Variants in RGS6 observed in about 807,000 individuals in gnomAD.
The protein encoded by RGS6 is regulator of G-protein signaling 6.
RGS6 carries 30 observed loss-of-function variants against 78.5 expected under a neutral mutation model. That is an observed-to-expected ratio of 0.38 (90% CI 0.29 to 0.52). RGS6 has a LOEUF of 0.52. RGS6 is among the 20% of genes least tolerant of loss of function. The pLI, the probability that RGS6 is intolerant of heterozygous loss-of-function variation, is 0.85. For synonymous variants in RGS6, 206 were observed against 206.0 expected, an observed-to-expected ratio of 1.00 and a Z score of 0.00; for missense variants, 495 against 609.7, an observed-to-expected ratio of 0.81 and a Z score of 1.98.
intron 2 of RGS6, among the ~76,000 whole-genome samples, chr14:72,213,122 G>A (rs561851261): frequency 1.7e-4 from 26 of 152,254 alleles, no homozygotes; most frequent in Non-Finnish European, 3.2e-4. Flanking sequence ...TTGACTATGA[G>A]GCCTGTGTTA....
At chr14:72,537,312 T>A (rs1567078440) in intron 16 of RGS6, among the ~76,000 whole-genome samples, 1 of 152,196 alleles carries the variant, frequency 6.6e-6, no homozygotes, top group Non-Finnish European at 1.5e-5. Context: ...CTTCTCTCTG[T>A]GTGCTGTCAC....
intron 3 of RGS6, among the ~76,000 whole-genome samples, chr14:72,376,550 A>G (rs1022294780): frequency 6.6e-6 from 1 of 152,192 alleles, no homozygotes; most frequent in African/African-American, 2.4e-5. Flanking sequence ...TTTTAGTCAA[A>G]TTGTCAAAAG....
At chr14:71,882,315 T>C in the RGS6 span, among the ~76,000 whole-genome samples, 46,486 of 152,100 alleles carry the variant, frequency 0.31, 7,453 homozygotes, top group South Asian at 0.43. Flanking sequence ...CCATTGTATG[T>C]GTATATGTGT....
chr14:72,306,065 T>C (rs997791308), intron 2 of RGS6, among the ~76,000 whole-genome samples: 1 of 152,210 alleles, frequency 6.6e-6, no homozygotes. Context: ...TGTTAGGGGA[T>C]AGTGCAGCTG....
intron 2 of RGS6, among the ~76,000 whole-genome samples, chr14:72,261,839 G>T (rs1456767279): frequency 1.3e-5 from 2 of 152,048 alleles, no homozygotes; most frequent in African/African-American, 4.8e-5. Flanking sequence ...TTTTACAGTT[G>T]AATTAAAGCA....
intron 2 of RGS6, among the ~76,000 whole-genome samples, chr14:72,041,562 C>G (rs1470655643): frequency 6.6e-6 from 1 of 152,226 alleles, no homozygotes; most frequent in Non-Finnish European, 1.5e-5. Flanking sequence ...TGTGCATTCA[C>G]TCCTCTTTTC....
At chr14:72,314,255 C>A (rs915082165) in intron 2 of RGS6, among the ~76,000 whole-genome samples, 2 of 152,218 alleles carry the variant, frequency 1.3e-5, no homozygotes, top group Non-Finnish European at 2.9e-5. Flanking sequence ...AGGGGTTAGA[C>A]AGCTCACTGA....
Position 72,226,919 on chromosome 14 carries a change from T to G in RGS6, c.85-125176T>G, listed in dbSNP as rs1471379086. On this transcript the variant is annotated intron_variant, in intron 2 of 17. Transcript: ENST00000553525. ...CCAGGCTGGTCTTGAACTCCTGGTGTCAAGTAATCCGCCCACCTTGACCTC... is the reference window on the plus strand; with the variant it reads ...CCAGGCTGGTCTTGAACTCCTGGTGGCAAGTAATCCGCCCACCTTGACCTC... Among the ~76,000 whole-genome samples, 3 of 152,200 alleles carry G rather than the reference T, an allele frequency of 2.0e-5. No individual in the cohort carries two copies. The East Asian group carries it at 5.8e-4, about 29-fold the overall frequency.
At chr14:71,888,514 AG>A in the RGS6 span, among the ~76,000 whole-genome samples, 1 of 152,132 alleles carries the variant, frequency 6.6e-6, no homozygotes, top group African/African-American at 2.4e-5. Context: ...CTCATCCCAC[AG>A]GAAACAAACC....
chr14:72,152,221 T>TGAGAGAGA (rs1200791259), intron 2 of RGS6, among the ~76,000 whole-genome samples: 17 of 146,654 alleles, frequency 1.2e-4, no homozygotes, highest in African/African-American at 4.3e-4. Context: ...GGCAGCTGCA[T>TGAGAGAGA]GAGAGAGAGA....
the RGS6 span, among the ~76,000 whole-genome samples, chr14:72,614,460 C>T: frequency 1.3e-5 from 2 of 152,140 alleles, no homozygotes; most frequent in East Asian, 1.9e-4. Context: ...GATGGCCAGT[C>T]CCCCTCTTCC....
At chr14:72,560,583 C>T (rs561760485) in intron 17 of RGS6, among the ~76,000 whole-genome samples, 1 of 152,314 alleles carries the variant, frequency 6.6e-6, no homozygotes, top group African/African-American at 2.4e-5. Context: ...GAAGGTCAGC[C>T]TCTGCCTTCT....
intron 2 of RGS6, among the ~76,000 whole-genome samples, chr14:72,255,922 C>G (rs1297383537): frequency 6.6e-6 from 1 of 152,132 alleles, no homozygotes; most frequent in African/African-American, 2.4e-5. Flanking sequence ...AATGTTTCCC[C>G]TTTTTCTAGC....
At chr14:72,152,539 G>A (rs924523255) in intron 2 of RGS6, among the ~76,000 whole-genome samples, 3 of 152,146 alleles carry the variant, frequency 2.0e-5, no homozygotes, top group African/African-American at 7.2e-5. Context: ...TGGGGCTGTG[G>A]CTGACATACA....
intron 12 of RGS6, among the ~76,000 whole-genome samples, chr14:72,486,527 A>T (rs1256548390): frequency 6.6e-6 from 1 of 152,144 alleles, no homozygotes; most frequent in African/African-American, 2.4e-5. Flanking sequence ...AGTACTCACC[A>T]TCCAGAATCC....
chr14:72,069,046 A>C (rs572835052), intron 2 of RGS6, among the ~76,000 whole-genome samples: 39 of 151,606 alleles, frequency 2.6e-4, no homozygotes, highest in Non-Finnish European at 2.7e-4. Context: ...ATCTTGGCTC[A>C]CTGCAACCTC....
chr14:72,577,977 G>A, the RGS6 span, among the ~76,000 whole-genome samples: 5 of 152,168 alleles, frequency 3.3e-5, no homozygotes, highest in African/African-American at 7.2e-5. Context: ...GAGTGGCTGG[G>A]GAATTGGTCC....
At chr14:72,464,267 T>C (rs2095848131) in intron 6 of RGS6, among the ~76,000 whole-genome samples, 1 of 152,204 alleles carries the variant, frequency 6.6e-6, no homozygotes, top group Non-Finnish European at 1.5e-5. Flanking sequence ...CAACTGAGTT[T>C]TCATAGAAGC....
chr14:72,126,053 G>C (rs1437935104), intron 2 of RGS6, among the ~76,000 whole-genome samples: 1 of 152,218 alleles, frequency 6.6e-6, no homozygotes, highest in Admixed American at 6.5e-5. Flanking sequence ...GGTTAAGTTT[G>C]TCAGGCCTAA....
Sources: gnomAD v4.1 joint callset for allele counts (sites outside exome capture counted in the v4.1 genomes callset) on GRCh38, gnomAD v4.1.1 for gene constraint, MANE v1.5 for transcripts, NCBI Gene and HGNC (gene_info 2026-07-23, HGNC 2026-07-21) for gene names.